The following TCEAL9 variants were observed in gnomAD, a reference collection of about 807,000 sequenced individuals.
The protein encoded by TCEAL9 is transcription elongation factor A like 9.
Under a neutral mutation model 5.2 loss-of-function variants are expected in TCEAL9, and 2 were observed. The observed-to-expected ratio is 0.38, with a 90% confidence interval of 0.16 to 1.21. The LOEUF (loss-of-function observed/expected upper bound fraction) is 1.21. Ranked by LOEUF, TCEAL9 falls within the 50% of genes most tolerant of loss-of-function variation. TCEAL9 has a pLI of 0.35. For synonymous variants in TCEAL9, 26 were observed against 22.3 expected (o/e 1.17, Z -0.47); for missense variants, 76 against 74.2 (o/e 1.02, Z -0.09).
rs746409213 is a variant in TCEAL9 at position 103,358,000 on chromosome X, T to C, written c.*1T>C. On this transcript the variant is annotated 3_prime_UTR_variant, in exon 3 of 3. Coordinates refer to ENST00000372661, the MANE Select transcript of TCEAL9 (RefSeq NM_016303.3). ...CCATCCTTACCCCTATTTAATGTAG[T>C]TTACCTTGATTTTTATCTGATATTA... is the stretch of plus-strand genomic sequence containing the variant. 8.4e-7 allele frequency: 1 copy of C among 1,188,068 alleles called. No homozygotes were observed. The highest frequency in any genetic ancestry group is 1.1e-6 in the Non-Finnish European group (1 of 884,087).
chrX:103,357,795 G>C lies in TCEAL9; in HGVS notation c.111G>C (p.Glu37Asp), dbSNP rs777899983. The C allele has an allele frequency of 3.3e-6, 4 of 1,211,544 alleles. No individual in the cohort carries two copies. The highest frequency in any genetic ancestry group is 4.5e-6 in the Non-Finnish European group (4 of 895,527). The change falls in exon 3 of 3, where the codon GAG becomes GAC. Residue 37 changes from glutamate (E) to aspartate (D), a missense_variant. Physicochemically the swap from Glu to Asp is conservative, Grantham distance 45. Coordinates refer to ENST00000372661, the MANE Select transcript of TCEAL9 (RefSeq NM_016303.3). ...CAGAAGAGGAGGAGAAGCTAGAGGAGGAGGCCAAAGCAAAAGGAACTTTTA... is the reference window on the plus strand; with the variant it reads ...CAGAAGAGGAGGAGAAGCTAGAGGACGAGGCCAAAGCAAAAGGAACTTTTA... ...EKPEEEEKLEEEAKAKGTFRE... is the reference protein window; with the variant it reads ...EKPEEEEKLEDEAKAKGTFRE...
Position 103,357,873 on chromosome X carries a change from G to C in TCEAL9, c.189G>C (p.Arg63Ser). The C allele has an allele frequency of 8.3e-7, 1 of 1,211,680 alleles. No individual in the cohort carries two copies. Among genetic ancestry groups the C allele is most frequent in the South Asian group, 1.8e-5 (1 of 56,981 alleles). Reference sequence around the variant, plus strand: ...AGTTTAAAGAAGATATACACAACAGGCATTTAAGCAATGAAGATATGTTTA... The same window carrying C: ...AGTTTAAAGAAGATATACACAACAGCCATTTAAGCAATGAAGATATGTTTA... Reference protein sequence around the residue: ...LQEFKEDIHNRHLSNEDMFRE... With the variant: ...LQEFKEDIHNSHLSNEDMFRE... Residue 63 changes from arginine to serine, a missense_variant, in exon 3 of 3, where the codon AGG becomes AGC. Arg to Ser is a moderately radical substitution (Grantham distance 110). Coordinates refer to ENST00000372661, the MANE Select transcript of TCEAL9 (RefSeq NM_016303.3).
At chrX:103,357,385 AAAGG>A in intron 2 of TCEAL9, 5 of 201,079 alleles carry the variant, frequency 2.5e-5, no homozygotes, top group Non-Finnish European at 3.6e-5. Context: ...TGGACGGCGG[AAAGG>A]AGGGCCTTGG....
chrX:103,357,254 TC>T (rs897262165), intron 2 of TCEAL9, 93 bp downstream of exon 2: 2 of 119,090 alleles, frequency 1.7e-5, no homozygotes, highest in Admixed American at 8.5e-5. Context: ...CCCACCCCTT[TC>T]CCCTCTTCTT....
At chrX:103,357,565 C>G (rs1450473156) in intron 2 of TCEAL9, 50 bp from the exon 3 acceptor site, 1 of 954,250 alleles carries the variant, frequency 1.0e-6, no homozygotes, top group African/African-American at 2.0e-5. Flanking sequence ...GTCCACAGCA[C>G]CTGTCCACTC....
rs146835751 is a variant in TCEAL9 at position 103,358,177 on chromosome X, C to T, written c.*178C>T. Reference sequence around the variant, plus strand: ...GTATTTTGAACCAATCTACAAGTCTCTGTCTTTTAATAAAAGAACTTTACA... The same window carrying T: ...GTATTTTGAACCAATCTACAAGTCTTTGTCTTTTAATAAAAGAACTTTACA... On this transcript the variant is annotated 3_prime_UTR_variant, in exon 3 of 3. Coordinates refer to ENST00000372661, the MANE Select transcript of TCEAL9 (RefSeq NM_016303.3). 1,180 of 374,805 alleles carry T rather than the reference C, an allele frequency of 3.1e-3. 12 individuals are homozygous for T. Among genetic ancestry groups the T allele is most frequent in the African/African-American group, 0.029 (1,087 of 38,122 alleles). 30.9% of individuals were successfully genotyped at this position (374,805 alleles called of 1,213,427 possible). A position where few individuals can be genotyped will look rare whatever the true frequency, so the allele number is the denominator to read the frequency against.
rs1470731763 is a variant in TCEAL9 at position 103,357,862 on chromosome X, A to G, written c.178A>G (p.Ile60Val). ...ATCTCTCCAGGAGTTTAAAGAAGAT[A>G]TACACAACAGGCATTTAAGCAATGA... ...IQSLQEFKED[I>V]HNRHLSNEDM... The change falls in exon 3 of 3, where the codon ATA becomes GTA. Residue 60 changes from isoleucine (I) to valine (V), a missense_variant. Physicochemically the swap from Ile to Val is conservative, Grantham distance 29. Coordinates refer to ENST00000372661, the MANE Select transcript of TCEAL9 (RefSeq NM_016303.3). 1.7e-6 allele frequency: 2 copies of G among 1,210,301 alleles called. No homozygotes were observed. Among genetic ancestry groups the G allele is most frequent in the East Asian group, 5.9e-5 (2 of 33,781 alleles).
rs377529199 is a variant in TCEAL9, at chrX:103,357,684, G to C, written c.-1G>C. ...AAGGAAGAGAGGTAGACAGATACAA[G>C]ATGAAATCCTGTCAAAAAATGGAAG... On this transcript the variant is annotated 5_prime_UTR_variant, in exon 3 of 3. Transcript: ENST00000372661. The C allele has an allele frequency of 2.5e-4, 304 of 1,197,763 alleles. No individual in the cohort carries two copies. Among genetic ancestry groups the C allele is most frequent in the Non-Finnish European group, 3.3e-4 (297 of 889,926 alleles).
At chrX:103,357,421 A>C (rs1265914241) in intron 2 of TCEAL9, 194 bp from the exon 3 acceptor site, 2 of 291,000 alleles carry the variant, frequency 6.9e-6, no homozygotes, top group Admixed American at 1.2e-4. Flanking sequence ...GGGAAGGACA[A>C]GAGAGAAGTG....
At chrX:103,357,411 G>A (rs1379515098) in intron 2 of TCEAL9, 2 of 264,958 alleles carry the variant, frequency 7.5e-6, no homozygotes, top group Non-Finnish European at 1.3e-5. Flanking sequence ...AAAGGTTAGA[G>A]GGAAGGACAA....
At chrX:103,357,026 G>GC (rs1377941521) in intron 1 of TCEAL9, 57 bp from the exon 2 acceptor site, 1 of 110,607 alleles carries the variant, frequency 9.0e-6, no homozygotes, top group Non-Finnish European at 1.9e-5. Flanking sequence ...TCAGTCTCTG[G>GC]CGCTGGTCGG....
Position 103,357,722 on chromosome X carries a change from A to G in TCEAL9, c.38A>G (p.Asn13Ser). The change falls in exon 3 of 3, where the codon AAT (asparagine) becomes AGT (serine). Residue 13 changes from asparagine (N) to serine (S), a missense_variant. Transcript: ENST00000372661. The part of the protein sequence containing the change: ...SCQKMEGKPE[N>S]ESEPKHEEEP... The stretch of plus-strand genomic sequence containing the variant: ...CAAAAAATGGAAGGAAAACCAGAAA[A>G]TGAGAGTGAACCAAAGCATGAGGAA... The G allele has an allele frequency of 8.3e-7, 1 of 1,209,714 alleles. No homozygotes were observed. The highest frequency in any genetic ancestry group is 1.1e-6 in the Non-Finnish European group (1 of 894,848).
chrX:103,358,032 C>G lies in TCEAL9; in HGVS notation c.*33C>G, dbSNP rs1040248730. On this transcript the variant is annotated 3_prime_UTR_variant, in exon 3 of 3. Transcript: ENST00000372661. ...TGATTTTTATCTGATATTAACAATA[C>G]CATATAGCTTGCTTTTTATTAGCAT... The G allele has an allele frequency of 9.0e-7, 1 of 1,111,500 alleles. No homozygotes were observed. Among genetic ancestry groups the G allele is most frequent in the African/African-American group, 1.8e-5 (1 of 54,130 alleles). 91.6% of individuals were successfully genotyped at this position (1,111,500 alleles called of 1,213,427 possible). A position where few individuals can be genotyped will look rare whatever the true frequency, so the allele number is the denominator to read the frequency against.
At position 103,358,044 on chromosome X, in the gene TCEAL9, C is replaced by T; in HGVS notation, c.*45C>T. ...GATATTAACAATACCATATAGCTTG[C>T]TTTTTATTAGCATTTCCTGATATTC... On this transcript the variant is annotated 3_prime_UTR_variant, in exon 3 of 3. Coordinates refer to ENST00000372661, the MANE Select transcript of TCEAL9 (RefSeq NM_016303.3). 1 of 1,085,683 alleles carries T rather than the reference C, an allele frequency of 9.2e-7. No homozygotes were observed. Among genetic ancestry groups the T allele is most frequent in the Admixed American group, 2.8e-5 (1 of 35,304 alleles). The allele number at this position is 1,085,683 out of a possible 1,213,427, so 89.5% of individuals were successfully genotyped here.
rs781006000 is a variant in TCEAL9 at position 103,357,596 on chromosome X, T to C, written c.-70-19T>C. On this transcript the variant is annotated intron_variant, in intron 2 of 2. Coordinates refer to ENST00000372661, the MANE Select transcript of TCEAL9 (RefSeq NM_016303.3). ...CACTCACCAAGTCTTTAACTTACTGTCTTCTTTTTGCTTTCTAGAAGTCAT... is the reference window on the plus strand; with the variant it reads ...CACTCACCAAGTCTTTAACTTACTGCCTTCTTTTTGCTTTCTAGAAGTCAT... 17 of 1,082,253 alleles carry C rather than the reference T, an allele frequency of 1.6e-5. No individual in the cohort carries two copies. The East Asian group carries it at 2.3e-4, about 15-fold the overall frequency. The allele number at this position is 1,082,253 out of a possible 1,213,427, so 89.2% of individuals were successfully genotyped here. A position where few individuals can be genotyped will look rare whatever the true frequency, so the allele number is the denominator to read the frequency against.
In TCEAL9 at chrX:103,357,955, C is replaced by T. The variant is rs765003201; in HGVS notation, c.271C>T (p.Arg91Cys). Residue 91 changes from arginine (R) to cysteine (C), a missense_variant, in exon 3 of 3, where the codon CGT (arginine) becomes TGT (cysteine). Arg to Cys is a radical substitution (Grantham distance 180, BLOSUM62 -3). Transcript: ENST00000372661. ...RRVRNKLIVM[R>C]WKVNRNHPYP... Reference sequence around the variant, plus strand: ...AGTCAGAAACAAACTTATAGTGATGCGTTGGAAGGTTAATCGAAACCATCC... The same window carrying T: ...AGTCAGAAACAAACTTATAGTGATGTGTTGGAAGGTTAATCGAAACCATCC... 4.1e-6 allele frequency: 5 copies of T among 1,209,108 alleles called. No homozygotes were observed. Among genetic ancestry groups the T allele is most frequent in the East Asian group, 5.9e-5 (2 of 33,776 alleles).
Position 103,357,900 on chromosome X carries a change from A to G in TCEAL9, c.216A>G (p.Arg72=). The G allele has an allele frequency of 8.2e-7, 1 of 1,212,147 alleles. No individual in the cohort carries two copies. The highest frequency in any genetic ancestry group is 1.8e-5 in the South Asian group (1 of 57,000). The change falls in exon 3 of 3, where the codon AGA becomes AGG. Residue 72 remains arginine (R), a synonymous_variant. Transcript: ENST00000372661. ...ATTTAAGCAATGAAGATATGTTTAG[A>G]GAAGTGGATGAAATAGATGAGATAA... ...NRHLSNEDMF[R]EVDEIDEIRR...
intron 2 of TCEAL9, 29 bp from the exon 3 acceptor site, chrX:103,357,586 T>C (rs1926907021): frequency 1.9e-6 from 2 of 1,069,738 alleles, no homozygotes; most frequent in Non-Finnish European, 2.5e-6. Flanking sequence ...ACCAAGTCTT[T>C]AACTTACTGT....
intron 2 of TCEAL9, 161 bp from the exon 3 acceptor site, chrX:103,357,454 A>C: frequency 2.8e-6 from 1 of 360,136 alleles, no homozygotes; most frequent in Non-Finnish European, 4.7e-6. Flanking sequence ...GTGGAGGTAA[A>C]AGGAGTGGGG....
Sources: gnomAD v4.1 joint callset for allele counts on GRCh38, gnomAD v4.1.1 for gene constraint, MANE v1.5 for transcripts, NCBI Gene and HGNC (gene_info 2026-07-23, HGNC 2026-07-21) for gene names.